Variants in MFAP3L observed in about 807,000 individuals in gnomAD.
MFAP3L encodes microfibril associated protein 3 like, also known as microfibrillar-associated protein 3-like.
A neutral mutation model predicts 20.0 loss-of-function variants in MFAP3L; 5 were observed. That is an observed-to-expected ratio of 0.25 (90% confidence interval 0.13 to 0.53). The LOEUF (loss-of-function observed/expected upper bound fraction) is 0.53, where lower values mean the gene tolerates loss of function less well. Ranked by LOEUF, MFAP3L falls within the 20% of genes least tolerant of loss-of-function variation. The pLI is 0.96. For synonymous variants in MFAP3L, 219 were observed against 213.0 expected, an observed-to-expected ratio of 1.03 and a Z score of -0.25; for missense variants, 409 against 527.5, an observed-to-expected ratio of 0.78 and a Z score of 2.20.
At chr4:170,006,116 T>A (rs1010332339) in intron 1 of MFAP3L, 106 bp from the exon 2 acceptor site, 7 of 172,680 alleles carry the variant, frequency 4.1e-5, no homozygotes, top group Non-Finnish European at 6.1e-5. Flanking sequence ...ATCAACATAC[T>A]TTTTTTTTTT....
At chr4:170,004,314 T>G (rs17055366) in intron 2 of MFAP3L, among the ~76,000 whole-genome samples, 21,157 of 152,116 alleles carry the variant, frequency 0.14, 3,802 homozygotes, top group African/African-American at 0.41. Context: ...ATGTCTTCAA[T>G]GTGAGTTCTA....
upstream of MFAP3L, chr4:170,026,444 C>T: frequency 3.8e-6 from 1 of 262,636 alleles, no homozygotes; most frequent in South Asian, 1.4e-4. Context: ...CCGGCCGGGG[C>T]CGAGCATGCC....
chr4:170,027,075 T>C (rs920863791), upstream of MFAP3L: 5 of 152,146 alleles, frequency 3.3e-5, no homozygotes, highest in African/African-American at 1.2e-4. Context: ...TTTAAAAATA[T>C]TATTTGTAAT....
At chr4:170,023,497 T>G (rs762916300) in intron 1 of MFAP3L, among the ~76,000 whole-genome samples, 8 of 152,240 alleles carry the variant, frequency 5.3e-5, no homozygotes, top group Non-Finnish European at 1.2e-4. Flanking sequence ...TGTAACCATC[T>G]TTCAACCATG....
rs1183203980 is a variant in MFAP3L, at chr4:169,987,722, T to C, written c.*3656A>G. 5 of 152,178 alleles carry C rather than the reference T, an allele frequency of 3.3e-5. No homozygotes were observed. Among genetic ancestry groups the C allele is most frequent in the African/African-American group, 1.2e-4 (5 of 41,432 alleles). 9.4% of individuals were successfully genotyped at this position (152,178 alleles called of 1,614,324 possible). On this transcript the variant is annotated 3_prime_UTR_variant, in exon 3 of 3. Transcript: ENST00000361618. ...TGTCCTTTGTACCTGATTTTCTTCA[T>C]GTGCTAAAGAGCTGAGCAGATCCTA...
At chr4:170,000,447 TATA>T (rs1161185657) in intron 2 of MFAP3L, among the ~76,000 whole-genome samples, 1 of 152,152 alleles carries the variant, frequency 6.6e-6, no homozygotes, top group African/African-American at 2.4e-5. Flanking sequence ...GAGGATATAG[TATA>T]ATATTAACAA....
At chr4:170,006,895 G>A (rs986662008) in intron 1 of MFAP3L, 1 of 152,130 alleles carries the variant, frequency 6.6e-6, no homozygotes. Context: ...TGTTACTTAC[G>A]GGCTCCAGGT....
chr4:169,997,373 A>G (rs1738254290), intron 2 of MFAP3L, among the ~76,000 whole-genome samples: 1 of 152,204 alleles, frequency 6.6e-6, no homozygotes, highest in Non-Finnish European at 1.5e-5. Context: ...ACACCATATT[A>G]AAGTTAAAAG....
intron 1 of MFAP3L, among the ~76,000 whole-genome samples, chr4:170,013,445 C>T (rs540266721): frequency 6.6e-6 from 1 of 152,138 alleles, no homozygotes; most frequent in East Asian, 1.9e-4. Context: ...AAGATAAAAA[C>T]AGGTCTACAC....
upstream of MFAP3L, chr4:170,026,771 C>T (rs1257117378): frequency 6.6e-6 from 1 of 152,284 alleles, no homozygotes; most frequent in Non-Finnish European, 1.5e-5. Context: ...TCGCATCGCA[C>T]GCGTGTTCAA....
intron 2 of MFAP3L, among the ~76,000 whole-genome samples, chr4:169,996,255 C>A (rs1023587680): frequency 1.5e-5 from 2 of 137,416 alleles, no homozygotes; most frequent in Non-Finnish European, 2.9e-5. Flanking sequence ...AGCTGTACTG[C>A]AGGGCATGGG....
chr4:170,008,506 A>G (rs1282051792), intron 1 of MFAP3L, among the ~76,000 whole-genome samples: 1 of 152,170 alleles, frequency 6.6e-6, no homozygotes, highest in African/African-American at 2.4e-5. Flanking sequence ...AGCTCAATAA[A>G]CCACAGACCA....
Position 170,005,590 on chromosome 4 carries a change from C to T in MFAP3L, c.288G>A (p.Glu96=), listed in dbSNP as rs773568371. The T allele has an allele frequency of 3.1e-6, 5 of 1,613,964 alleles. No individual in the cohort carries two copies. Among genetic ancestry groups the T allele is most frequent in the Middle Eastern group, 3.3e-4 (2 of 6,062 alleles). Residue 96 remains glutamate, a synonymous_variant, in exon 2 of 3, where the codon GAG becomes GAA. Coordinates refer to ENST00000361618, the MANE Select transcript of MFAP3L (RefSeq NM_021647.8). The part of the protein sequence containing the change: ...KLLKEEEDEK[E]RGGGKWQMHD... ...AACTTTAAAGCCTACCTCCTCCTCT[C>T]TCCTTCTCATCCTCTTCTTCTTTCA...
intron 1 of MFAP3L, among the ~76,000 whole-genome samples, chr4:170,023,244 T>C (rs2111083605): frequency 6.6e-6 from 1 of 152,316 alleles, no homozygotes; most frequent in Non-Finnish European, 1.5e-5. Context: ...CTGTGTTTTA[T>C]TTGTCCTCAA....
intron 2 of MFAP3L, among the ~76,000 whole-genome samples, chr4:170,002,437 A>G (rs1019793741): frequency 6.6e-6 from 1 of 152,194 alleles, no homozygotes; most frequent in Non-Finnish European, 1.5e-5. Flanking sequence ...AATGAAAATT[A>G]TAATTTTGTT....
rs1232382000 is a variant in MFAP3L at position 169,987,684 on chromosome 4, C to G, written c.*3694G>C. The G allele has an allele frequency of 6.6e-6, 1 of 152,150 alleles. No individual in the cohort carries two copies. Among genetic ancestry groups the G allele is most frequent in the Non-Finnish European group, 1.5e-5 (1 of 68,016 alleles). 9.4% of individuals were successfully genotyped at this position (152,150 alleles called of 1,614,324 possible). ...TGCACGGGGCTTAGAGCATGCTGTT[C>G]CAAACATGCAAATGTCCTTTGTACC... On this transcript the variant is annotated 3_prime_UTR_variant, in exon 3 of 3. Coordinates refer to ENST00000361618, the MANE Select transcript of MFAP3L (RefSeq NM_021647.8).
At position 169,988,363 on chromosome 4, in the gene MFAP3L, C is replaced by T. The variant is rs1489264096; in HGVS notation, c.*3015G>A. On this transcript the variant is annotated 3_prime_UTR_variant, in exon 3 of 3. Transcript: ENST00000361618. ...ATCATCTAAGTGAATTAAATGTACA[C>T]ACATATGTGAATCATTTTCAGAATT... 1 of 152,148 alleles carries T rather than the reference C, an allele frequency of 6.6e-6. No homozygotes were observed. The highest frequency in any genetic ancestry group is 1.9e-4 in the East Asian group (1 of 5,198). The allele number at this position is 152,148 out of a possible 1,614,324, so 9.4% of individuals were successfully genotyped here.
chr4:170,008,765 A>C (rs17546287), intron 1 of MFAP3L, among the ~76,000 whole-genome samples: 7,310 of 152,238 alleles, frequency 0.048, 254 homozygotes, highest in Non-Finnish European at 0.075. Context: ...GCACCTACCA[A>C]ACTTGACACT....
At position 169,990,536 on chromosome 4, in the gene MFAP3L, T is replaced by C. The variant is rs1347726311; in HGVS notation, c.*842A>G. The C allele has an allele frequency of 1.3e-5, 2 of 152,610 alleles. No individual in the cohort carries two copies. Among genetic ancestry groups the C allele is most frequent in the African/African-American group, 4.8e-5 (2 of 41,442 alleles). 9.5% of individuals were successfully genotyped at this position (152,610 alleles called of 1,614,324 possible). On this transcript the variant is annotated 3_prime_UTR_variant, in exon 3 of 3. Coordinates refer to ENST00000361618, the MANE Select transcript of MFAP3L (RefSeq NM_021647.8). ...CAGTGACTTTCATGGGTGGTGTGGGTATATTTAACCTTTTACAATCTCCCT... is the reference window on the plus strand; with the variant it reads ...CAGTGACTTTCATGGGTGGTGTGGGCATATTTAACCTTTTACAATCTCCCT...
Sources: gnomAD v4.1 joint callset for allele counts (sites outside exome capture counted in the v4.1 genomes callset) on GRCh38, gnomAD v4.1.1 for gene constraint, MANE v1.5 for transcripts, NCBI Gene and HGNC (gene_info 2026-07-23, HGNC 2026-07-21) for gene names.